Variants in MEMO1 observed in about 807,000 individuals in gnomAD.
MEMO1 encodes the protein protein MEMO1.
In MEMO1, 6 loss-of-function variants were observed where a neutral mutation model predicts 45.2. The ratio of observed to expected loss-of-function variants is 0.13; its 90% CI spans 0.07 to 0.26. The LOEUF (loss-of-function observed/expected upper bound fraction) is 0.26. Ranked by LOEUF, MEMO1 falls within the 10% of genes least tolerant of loss-of-function variation. MEMO1 has a pLI of 1.00. For synonymous variants in MEMO1, 78 were observed against 124.3 expected, an observed-to-expected ratio of 0.63 and a Z score of 2.48; for missense variants, 184 against 370.5, an observed-to-expected ratio of 0.50 and a Z score of 4.13.
intron 2 of MEMO1, among the ~76,000 whole-genome samples, chr2:32,008,137 T>C (rs1674331082): frequency 6.6e-6 from 1 of 152,246 alleles, no homozygotes; most frequent in African/African-American, 2.4e-5. Flanking sequence ...TTGAGCTGGA[T>C]TAACGAATTC....
At chr2:31,912,105 C>T (rs1006190318) in intron 6 of MEMO1, among the ~76,000 whole-genome samples, 6 of 151,796 alleles carry the variant, frequency 4.0e-5, no homozygotes, top group African/African-American at 7.3e-5. Context: ...AGGCCGAGGG[C>T]GGGTGGATCA....
intron 6 of MEMO1, among the ~76,000 whole-genome samples, chr2:31,906,305 T>TTTTG (rs1158333272): frequency 3.3e-5 from 5 of 150,598 alleles, no homozygotes; most frequent in Admixed American, 1.3e-4. Context: ...TTTTTGTTTT[T>TTTTG]TTTGTTTGTT....
At chr2:31,932,998 T>C (rs1461979640) in intron 3 of MEMO1, among the ~76,000 whole-genome samples, 3 of 152,000 alleles carry the variant, frequency 2.0e-5, no homozygotes, top group East Asian at 1.9e-4. Context: ...TATGAAAAAA[T>C]AGAGATATAT....
intron 4 of MEMO1, among the ~76,000 whole-genome samples, chr2:31,926,193 C>G (rs564168055): frequency 6.6e-6 from 1 of 151,860 alleles, no homozygotes; most frequent in African/African-American, 2.4e-5. Context: ...ATAGTGAGAC[C>G]ACATCTCTAC....
At chr2:31,932,402 A>C (rs1450077828) in intron 3 of MEMO1, among the ~76,000 whole-genome samples, 1 of 151,734 alleles carries the variant, frequency 6.6e-6, no homozygotes, top group Non-Finnish European at 1.5e-5. Flanking sequence ...GTTTACTTGA[A>C]GTTGCTATGT....
chr2:32,009,661 G>T (rs1487415795), intron 2 of MEMO1, among the ~76,000 whole-genome samples: 2 of 152,084 alleles, frequency 1.3e-5, no homozygotes, highest in Non-Finnish European at 2.9e-5. Flanking sequence ...TCTGGGCGAG[G>T]GCACTCCCCG....
intron 6 of MEMO1, among the ~76,000 whole-genome samples, chr2:31,916,449 G>A (rs1170767083): frequency 1.3e-5 from 2 of 152,104 alleles, no homozygotes; most frequent in Non-Finnish European, 2.9e-5. Flanking sequence ...GGCTAGTCTT[G>A]AACTTCTGGG....
intron 3 of MEMO1, among the ~76,000 whole-genome samples, chr2:31,938,659 AT>A (rs1197641498): frequency 7.9e-5 from 12 of 152,160 alleles, no homozygotes; most frequent in African/African-American, 2.9e-4. Flanking sequence ...AAATAAAAAA[AT>A]AAAAAATAAA....
intron 2 of MEMO1, among the ~76,000 whole-genome samples, chr2:31,993,092 G>C (rs575695052): frequency 6.6e-6 from 1 of 152,200 alleles, no homozygotes; most frequent in East Asian, 1.9e-4. Context: ...AGGATCACTG[G>C]AGCCAAGGAA....
At chr2:31,919,284 C>G (rs1160426854) in intron 5 of MEMO1, among the ~76,000 whole-genome samples, 2 of 151,906 alleles carry the variant, frequency 1.3e-5, no homozygotes, top group Non-Finnish European at 2.9e-5. Flanking sequence ...ATGCCCTCCC[C>G]CAACCTACAG....
intron 2 of MEMO1, among the ~76,000 whole-genome samples, chr2:31,985,345 G>A (rs998633569): frequency 1.8e-4 from 27 of 152,036 alleles, no homozygotes; most frequent in Admixed American, 1.0e-3. Flanking sequence ...TTTATTTATC[G>A]AGATGGAGTC....
At chr2:31,883,084 A>G (rs1212647942) in intron 8 of MEMO1, among the ~76,000 whole-genome samples, 1 of 152,186 alleles carries the variant, frequency 6.6e-6, no homozygotes, top group Non-Finnish European at 1.5e-5. Flanking sequence ...ACTGCTTAAC[A>G]GTAAATAATG....
chr2:32,005,158 G>C (rs116454270), intron 2 of MEMO1, among the ~76,000 whole-genome samples: 1,865 of 151,672 alleles, frequency 0.012, 18 homozygotes, highest in South Asian at 0.022. Context: ...GTAACACCGA[G>C]CAAAAGCTCA....
intron 3 of MEMO1, among the ~76,000 whole-genome samples, chr2:31,937,015 T>C (rs527334651): frequency 6.6e-6 from 1 of 152,184 alleles, no homozygotes; most frequent in Non-Finnish European, 1.5e-5. Context: ...GAAACTAAAT[T>C]AGAAAACTCC....
At chr2:31,915,095 G>A (rs887964308) in intron 6 of MEMO1, among the ~76,000 whole-genome samples, 1 of 151,956 alleles carries the variant, frequency 6.6e-6, no homozygotes. Flanking sequence ...TCATGCCACT[G>A]CACTCCAGCC....
intron 3 of MEMO1, among the ~76,000 whole-genome samples, chr2:31,937,383 T>C (rs962675713): frequency 6.6e-6 from 1 of 152,346 alleles, no homozygotes; most frequent in African/African-American, 2.4e-5. Flanking sequence ...TACTGTCATA[T>C]AGGATTTGAG....
chr2:31,883,903 GAAA>G (rs5830216), intron 7 of MEMO1, among the ~76,000 whole-genome samples: 1 of 139,312 alleles, frequency 7.2e-6, no homozygotes. Flanking sequence ...TATTACGGGG[GAAA>G]AAAAAAAAAA....
chr2:31,883,166 C>A (rs903698114), intron 8 of MEMO1, among the ~76,000 whole-genome samples: 2 of 152,026 alleles, frequency 1.3e-5, no homozygotes, highest in African/African-American at 4.8e-5. Flanking sequence ...ATATATTATT[C>A]TTAAATATTC....
chr2:31,920,724 T>C, intron 5 of MEMO1, 74 bp downstream of exon 5: 1 of 818,432 alleles, frequency 1.2e-6, no homozygotes, highest in South Asian at 2.9e-5. Flanking sequence ...TATTCATAAG[T>C]TTTTAAATTA....
Sources: allele counts gnomAD v4.1 joint callset (sites outside exome capture counted in the v4.1 genomes callset), GRCh38; gene constraint gnomAD v4.1.1; transcripts MANE v1.5; gene names NCBI Gene and HGNC (gene_info 2026-07-23, HGNC 2026-07-21).